Variants in POGZ observed in about 807,000 individuals in gnomAD.
POGZ encodes the protein pogo transposable element with ZNF domain.
Under a neutral mutation model 134.6 loss-of-function variants are expected in POGZ, and 17 were observed. The ratio of observed to expected loss-of-function variants is 0.13; its 90% CI spans 0.09 to 0.19. The LOEUF (loss-of-function observed/expected upper bound fraction) is 0.19, where lower values mean the gene tolerates loss of function less well. Among genes scored for constraint, POGZ ranks in the 10% least tolerant of loss-of-function variants. The pLI is 1.00. For synonymous variants in POGZ, 693 were observed against 657.1 expected, an observed-to-expected ratio of 1.05 and a Z score of -0.84; for missense variants, 1,306 against 1,769.7, an observed-to-expected ratio of 0.74 and a Z score of 4.70.
At chr1:151,434,910 TTC>T (rs1456466519) in intron 3 of POGZ, among the ~76,000 whole-genome samples, 1 of 151,724 alleles carries the variant, frequency 6.6e-6, no homozygotes, top group Non-Finnish European at 1.5e-5. Flanking sequence ...CCTTCATTCT[TTC>T]TTTTTTTTTT....
chr1:151,407,591 G>C (rs570898328), intron 15 of POGZ, among the ~76,000 whole-genome samples: 3 of 152,154 alleles, frequency 2.0e-5, no homozygotes, highest in Admixed American at 6.5e-5. Context: ...TGAAATTAGA[G>C]CACAGACCAT....
intron 3 of POGZ, among the ~76,000 whole-genome samples, chr1:151,437,148 T>C (rs1367066076): frequency 6.6e-6 from 1 of 151,492 alleles, no homozygotes; most frequent in African/African-American, 2.4e-5. Context: ...GAGCCGAGAT[T>C]GCGCCACTGT....
In POGZ at chr1:151,403,827, C is replaced by T; in HGVS notation, c.*975G>A. 10 of 985,524 alleles carry T rather than the reference C, an allele frequency of 1.0e-5. No individual in the cohort carries two copies. The highest frequency in any genetic ancestry group is 1.2e-5 in the Non-Finnish European group (10 of 829,942). 61.0% of individuals were successfully genotyped at this position (985,524 alleles called of 1,614,324 possible). A position where few individuals can be genotyped will look rare whatever the true frequency, so the allele number is the denominator to read the frequency against. The stretch of plus-strand genomic sequence containing the variant: ...TCCCTTAAACAGGCATGCTCTCCAT[C>T]TAACAGGATGAAGTTCAGTAAAGCA... On this transcript the variant is annotated 3_prime_UTR_variant, in exon 19 of 19. Coordinates refer to ENST00000271715, the MANE Select transcript of POGZ (RefSeq NM_015100.4).
Position 151,403,706 on chromosome 1 carries a change from GA to G in POGZ, c.*1095del. ...TCCCTAAGTATTAAGAGAAATAGGG[GA>G]AAGCCACAGAGCACGCTGGATTTCA... On this transcript the variant is annotated 3_prime_UTR_variant, in exon 19 of 19. Coordinates refer to ENST00000271715, the MANE Select transcript of POGZ (RefSeq NM_015100.4). The G allele has an allele frequency of 1.0e-6, 1 of 985,858 alleles. No homozygotes were observed. Among genetic ancestry groups the G allele is most frequent in the Non-Finnish European group, 1.2e-6 (1 of 829,936 alleles). 61.1% of individuals were successfully genotyped at this position (985,858 alleles called of 1,614,324 possible). A position where few individuals can be genotyped will look rare whatever the true frequency, so the allele number is the denominator to read the frequency against.
intron 10 of POGZ, among the ~76,000 whole-genome samples, chr1:151,418,939 C>T (rs888204093): frequency 1.5e-4 from 22 of 142,510 alleles, no homozygotes; most frequent in African/African-American, 5.3e-4. Context: ...GCAGGAGAAT[C>T]GCTTGAAACC....
At chr1:151,430,486 C>T (rs907663852) in intron 4 of POGZ, among the ~76,000 whole-genome samples, 180 bp downstream of exon 4, 2 of 152,172 alleles carry the variant, frequency 1.3e-5, no homozygotes, top group African/African-American at 4.8e-5. Context: ...TATTACCCAG[C>T]CATACTATGC....
At chr1:151,430,918 ATTTTAT>A in intron 3 of POGZ, 77 bp from the exon 4 acceptor site, 1 of 367,106 alleles carries the variant, frequency 2.7e-6, no homozygotes, top group Non-Finnish European at 4.2e-6. Context: ...ATTTTATTTT[ATTTTAT>A]TTTATTTTAT....
chr1:151,434,440 T>G (rs1457290429), intron 3 of POGZ, among the ~76,000 whole-genome samples: 1 of 151,972 alleles, frequency 6.6e-6, no homozygotes, highest in East Asian at 1.9e-4. Context: ...TTCGTGCCAC[T>G]ACTGCACTCC....
chr1:151,458,197 G>A (rs1278444585), intron 1 of POGZ, among the ~76,000 whole-genome samples: 1 of 152,126 alleles, frequency 6.6e-6, no homozygotes, highest in Non-Finnish European at 1.5e-5. Context: ...GGAGAGGAAG[G>A]AAATAAGAAC....
At chr1:151,409,899 A>C (rs1458490680) in intron 12 of POGZ, among the ~76,000 whole-genome samples, 1 of 152,156 alleles carries the variant, frequency 6.6e-6, no homozygotes, top group Non-Finnish European at 1.5e-5. Context: ...CATGTCTATG[A>C]TTTTCTTTAG....
rs141929073 is a variant in POGZ, at chr1:151,444,663, T to C, written c.-1-2458A>G. Among the ~76,000 whole-genome samples, 144 of 152,334 alleles carry C rather than the reference T, an allele frequency of 9.5e-4. 3 individuals are homozygous for C. In the East Asian group the frequency reaches 0.022, roughly 23 times the overall value. ...AAATTGTGGTTTTCAATGTCATGCC[T>C]GTGGTTATTTTAATAGCATACCCAA... is the stretch of plus-strand genomic sequence containing the variant. On this transcript the variant is annotated intron_variant, in intron 1 of 18. Transcript: ENST00000271715.
At chr1:151,408,028 AAAAGAAGAAG>A (rs1165328798) in intron 15 of POGZ, 62 bp downstream of exon 15, 11 of 494,708 alleles carry the variant, frequency 2.2e-5, no homozygotes, top group Non-Finnish European at 3.0e-5. Flanking sequence ...AAAAAAAAAA[AAAAGAAGAAG>A]AAGAAGAAGA....
chr1:151,414,360 T>C (rs897919190), intron 10 of POGZ, among the ~76,000 whole-genome samples: 2 of 152,268 alleles, frequency 1.3e-5, no homozygotes, highest in African/African-American at 4.8e-5. Flanking sequence ...GTCTATGTTT[T>C]CCCTGGGCAA....
Position 151,405,555 on chromosome 1 carries a change from G to T in POGZ, c.3480C>A (p.Val1160=), listed in dbSNP as rs372889416. The change falls in exon 19 of 19, where the codon GTC becomes GTA. Residue 1160 remains valine, a synonymous_variant. Coordinates refer to ENST00000271715, the MANE Select transcript of POGZ (RefSeq NM_015100.4). The surrounding 1 kb of genome is among the most constrained non-coding windows in gnomAD (Gnocchi z 4.9). The part of the protein sequence containing the change: ...VGTGEPWCDV[V]LAILADGTVL... ...CAGTGCCATCTGCCAGAATGGCTAG[G>T]ACTACATCACACCAAGGTTCCCCTG... 8 of 1,614,058 alleles carry T rather than the reference G, an allele frequency of 5.0e-6. No homozygotes were observed. Among genetic ancestry groups the T allele is most frequent in the African/African-American group, 1.3e-5 (1 of 74,928 alleles).
chr1:151,408,031 AGAAGAAGAAGAAGAAG>A, intron 15 of POGZ, 53 bp downstream of exon 15: 7 of 13,696 alleles, frequency 5.1e-4, no homozygotes, highest in Non-Finnish European at 7.3e-4. Flanking sequence ...AAAAAAAAAA[AGAAGAAGAAGAAGAAG>A]AAAAAAAGAA....
chr1:151,434,205 G>A (rs1659200920), intron 3 of POGZ, among the ~76,000 whole-genome samples: 1 of 152,186 alleles, frequency 6.6e-6, no homozygotes, highest in African/African-American at 2.4e-5. Context: ...AGCTACCTGA[G>A]TGACTGAGGC....
chr1:151,420,266 G>A (rs1032510739), intron 10 of POGZ, among the ~76,000 whole-genome samples: 2 of 152,190 alleles, frequency 1.3e-5, no homozygotes, highest in Non-Finnish European at 2.9e-5. Context: ...AGAATCGTGA[G>A]TCCTATTCTA....
At chr1:151,436,239 T>C (rs557263365) in intron 3 of POGZ, among the ~76,000 whole-genome samples, 1 of 152,288 alleles carries the variant, frequency 6.6e-6, no homozygotes, top group African/African-American at 2.4e-5. Flanking sequence ...ATTACGGGCG[T>C]GAGCCACCGC....
intron 1 of POGZ, among the ~76,000 whole-genome samples, chr1:151,457,927 C>CAA (rs34068254): frequency 0.011 from 1,448 of 136,470 alleles, 12 homozygotes; most frequent in Middle Eastern, 0.044. Context: ...AACTTCGTCT[C>CAA]AAAAAAAAAA....
Sources: allele counts gnomAD v4.1 joint callset (sites outside exome capture counted in the v4.1 genomes callset), GRCh38; gene constraint gnomAD v4.1.1; non-coding constraint Gnocchi (gnomAD v3.1); transcripts MANE v1.5; gene names NCBI Gene and HGNC (gene_info 2026-07-23, HGNC 2026-07-21).